Variants in LRBA observed in about 807,000 individuals in gnomAD.
LRBA encodes lipopolysaccharide-responsive and beige-like anchor protein.
LRBA carries 176 observed loss-of-function variants against 330.0 expected under a neutral mutation model. That is an observed-to-expected ratio of 0.53 (90% CI 0.47 to 0.60). The LOEUF is 0.60. Among genes scored for constraint, LRBA ranks in the 20% least tolerant of loss-of-function variants. The pLI, the probability that LRBA is intolerant of heterozygous loss-of-function variation, is 0.00. For missense variants in LRBA, 3,259 were observed against 3,444.8 expected, an observed-to-expected ratio of 0.95 and a Z score of 1.35; for synonymous variants, 1,230 against 1,193.0, an observed-to-expected ratio of 1.03 and a Z score of -0.64.
In LRBA at chr4:150,844,219, T is replaced by TAA; in HGVS notation, c.4462-14_4462-13dup. 7.3e-7 allele frequency: 1 copy of TAA among 1,367,358 alleles called. No homozygotes were observed. The highest frequency in any genetic ancestry group is 1.3e-5 in the South Asian group (1 of 76,858). The allele number at this position is 1,367,358 out of a possible 1,614,324, so 84.7% of individuals were successfully genotyped here. A position where few individuals can be genotyped will look rare whatever the true frequency, so the allele number is the denominator to read the frequency against. On this transcript the variant is annotated splice_polypyrimidine_tract_variant and intron_variant, in intron 27 of 56. Coordinates refer to ENST00000651943, the MANE Select transcript of LRBA (RefSeq NM_001364905.1). Reference sequence around the variant, plus strand: ...ATGTCCACTGGGCTCTATTTAAGATTAAAAAAAAATTGTATATATATATAT... The same window carrying TAA: ...ATGTCCACTGGGCTCTATTTAAGATTAAAAAAAAAAATTGTATATATATATAT...
chr4:150,959,470 C>A lies in LRBA; in HGVS notation c.217-30405G>T, dbSNP rs1404500881. ...TATCTTGCCATAAAAATAGCAGAAA[C>A]ATGATCAAAGTCTAGTAGGGTTGTA... On this transcript the variant is annotated intron_variant, in intron 2 of 56. Coordinates refer to ENST00000651943, the MANE Select transcript of LRBA (RefSeq NM_001364905.1). Among the ~76,000 whole-genome samples the A allele has an allele frequency of 1.3e-5, 2 of 149,156 alleles. 1 individual carries two copies. The highest frequency in any genetic ancestry group is 5.2e-5 in the African/African-American group (2 of 38,602).
chr4:150,646,244 A>T (rs76328578), intron 37 of LRBA, among the ~76,000 whole-genome samples: 2,090 of 152,142 alleles, frequency 0.014, 44 homozygotes, highest in African/African-American at 0.048. Context: ...AAGAGTGAAG[A>T]CAAAGATGAC....
intron 48 of LRBA, among the ~76,000 whole-genome samples, chr4:150,343,891 G>T (rs1008533663): frequency 6.6e-6 from 1 of 152,146 alleles, no homozygotes; most frequent in African/African-American, 2.4e-5. Flanking sequence ...CTCATAAACA[G>T]AATCTTGTTG....
chr4:150,626,166 T>G (rs1444062006), intron 37 of LRBA, among the ~76,000 whole-genome samples: 2 of 152,176 alleles, frequency 1.3e-5, no homozygotes, highest in East Asian at 1.9e-4. Context: ...TTCTGCATCT[T>G]AATTCTCTCA....
chr4:150,272,103 T>C (rs766222380), intron 56 of LRBA, among the ~76,000 whole-genome samples: 138 of 152,224 alleles, frequency 9.1e-4, no homozygotes, highest in Admixed American at 1.4e-3. Flanking sequence ...CGGAGGCCCC[T>C]CTGGAATGAA....
chr4:150,686,713 G>C (rs902113362), intron 36 of LRBA, among the ~76,000 whole-genome samples: 2 of 152,062 alleles, frequency 1.3e-5, no homozygotes, highest in African/African-American at 4.8e-5. Context: ...ATGAGATTTA[G>C]AAAATCACCG....
chr4:150,995,595 G>T (rs1016502555), intron 2 of LRBA, among the ~76,000 whole-genome samples: 2 of 151,920 alleles, frequency 1.3e-5, no homozygotes, highest in Non-Finnish European at 2.9e-5. Flanking sequence ...ACAATAATTG[G>T]ATATTTGAGA....
At chr4:150,414,936 A>G (rs1747522354) in intron 47 of LRBA, among the ~76,000 whole-genome samples, 1 of 152,198 alleles carries the variant, frequency 6.6e-6, no homozygotes, top group Non-Finnish European at 1.5e-5. Flanking sequence ...TCCACTAAAG[A>G]GGATACTAAA....
At chr4:150,749,700 G>A (rs929015965) in intron 35 of LRBA, among the ~76,000 whole-genome samples, 10 of 152,004 alleles carry the variant, frequency 6.6e-5, no homozygotes, top group Non-Finnish European at 1.5e-4. Flanking sequence ...GTATGTAGCT[G>A]CAATAAGCCA....
chr4:150,840,913 T>G (rs1748977571), intron 28 of LRBA: 6 of 1,083,118 alleles, frequency 5.5e-6, no homozygotes, highest in Non-Finnish European at 7.0e-6. Context: ...TCAAAAATTT[T>G]GGATATAATC....
Position 150,728,410 on chromosome 4 carries a change from C to T in LRBA, c.5754+6848G>A, listed in dbSNP as rs150126076. 5.7e-4 allele frequency among the ~76,000 whole-genome samples: 87 copies of T among 152,080 alleles called. 1 individual carries two copies. In the East Asian group the frequency reaches 0.013, roughly 22 times the overall value. ...ATATTAAAAAAAGAAAACTATAGGC[C>T]AATCTCACTGGTGAATATTGATGCA... On this transcript the variant is annotated intron_variant, in intron 36 of 56. Coordinates refer to ENST00000651943, the MANE Select transcript of LRBA (RefSeq NM_001364905.1).
intron 2 of LRBA, among the ~76,000 whole-genome samples, chr4:150,948,386 G>C (rs893854643): frequency 1.3e-5 from 2 of 151,640 alleles, no homozygotes; most frequent in African/African-American, 2.4e-5. Flanking sequence ...AGAAAGAAGA[G>C]TCTTTAAAAC....
chr4:150,995,676 A>T (rs1046953619), intron 2 of LRBA, among the ~76,000 whole-genome samples: 2 of 152,174 alleles, frequency 1.3e-5, no homozygotes, highest in Non-Finnish European at 2.9e-5. Flanking sequence ...GGCTTGCTTT[A>T]GGAAGTACAA....
intron 47 of LRBA, among the ~76,000 whole-genome samples, chr4:150,353,730 C>A (rs568576283): frequency 1.3e-5 from 2 of 152,278 alleles, no homozygotes; most frequent in South Asian, 2.1e-4. Flanking sequence ...TCAGACCTCA[C>A]CTTACATTGT....
In LRBA at chr4:150,326,493, A is replaced by G. The variant is rs111259473; in HGVS notation, c.7363-595T>C. Among the ~76,000 whole-genome samples, 1,258 of 152,306 alleles carry G rather than the reference A, an allele frequency of 8.3e-3. 15 individuals carry two copies. The highest frequency in any genetic ancestry group is 0.029 in the African/African-American group (1,195 of 41,566). On this transcript the variant is annotated intron_variant, in intron 48 of 56. Transcript: ENST00000651943. ...AACCAGGGAGTCACTAAACATGAGG[A>G]ACGTGTGTATGTGTGCTCTTTTTGA...
intron 2 of LRBA, among the ~76,000 whole-genome samples, chr4:150,962,431 T>A (rs983596282): frequency 2.0e-5 from 3 of 149,178 alleles, no homozygotes; most frequent in Non-Finnish European, 4.4e-5. Flanking sequence ...GGTGGAAGGA[T>A]CACTTGAGCC....
At chr4:150,573,091 C>T (rs1484909109) in intron 40 of LRBA, among the ~76,000 whole-genome samples, 4 of 152,126 alleles carry the variant, frequency 2.6e-5, no homozygotes, top group Non-Finnish European at 5.9e-5. Flanking sequence ...CCTGTAGAAA[C>T]CTGACCTTTT....
intron 37 of LRBA, among the ~76,000 whole-genome samples, chr4:150,661,672 A>T (rs1479424463): frequency 6.6e-6 from 1 of 152,028 alleles, no homozygotes; most frequent in Non-Finnish European, 1.5e-5. Flanking sequence ...GTGCAGTGGC[A>T]CAATCTCAGC....
At chr4:150,422,555 C>A in intron 46 of LRBA, 2 of 497,006 alleles carry the variant, frequency 4.0e-6, no homozygotes, top group Non-Finnish European at 7.3e-6. Context: ...CTATCCTCTG[C>A]ACCCCGTCCC....
Sources: allele counts gnomAD v4.1 joint callset (sites outside exome capture counted in the v4.1 genomes callset), GRCh38; gene constraint gnomAD v4.1.1; transcripts MANE v1.5; gene names NCBI Gene and HGNC (gene_info 2026-07-23, HGNC 2026-07-21).